Variants in ATRNL1 observed in about 807,000 individuals in gnomAD.
ATRNL1 encodes attractin like 1.
A neutral mutation model predicts 182.7 loss-of-function variants in ATRNL1; 95 were observed. The observed-to-expected ratio is 0.52, with a 90% CI of 0.44 to 0.62. ATRNL1 has a LOEUF of 0.62. ATRNL1 is among the 20% of genes least tolerant of loss of function. The probability of loss-of-function intolerance (pLI) is 0.00; values close to 1 mark genes in which losing one functional copy is unlikely to be tolerated. For synonymous variants in ATRNL1, 576 were observed against 568.3 expected, an observed-to-expected ratio of 1.01 and a Z score of -0.19; for missense variants, 1,471 against 1,679.5, an observed-to-expected ratio of 0.88 and a Z score of 2.17.
chr10:115,483,108 T>C (rs1252118133), intron 24 of ATRNL1, among the ~76,000 whole-genome samples: 1 of 151,356 alleles, frequency 6.6e-6, no homozygotes, highest in Non-Finnish European at 1.5e-5. Context: ...TAATTATTAA[T>C]TTACCAACCC....
intron 19 of ATRNL1, among the ~76,000 whole-genome samples, chr10:115,389,500 CAA>C (rs71010019): frequency 9.6e-5 from 7 of 72,948 alleles, no homozygotes; most frequent in Admixed American, 1.6e-4. Flanking sequence ...GACTCCGTCT[CAA>C]AAAAAAAAAA....
At chr10:115,681,999 G>T (rs1344530106) in intron 26 of ATRNL1, among the ~76,000 whole-genome samples, 1 of 152,100 alleles carries the variant, frequency 6.6e-6, no homozygotes, top group African/African-American at 2.4e-5. Flanking sequence ...GTGTTAACTT[G>T]GTGTGCAGCC....
At chr10:115,628,965 G>A (rs1288456363) in intron 26 of ATRNL1, among the ~76,000 whole-genome samples, 2 of 152,016 alleles carry the variant, frequency 1.3e-5, no homozygotes, top group Admixed American at 6.5e-5. Flanking sequence ...GGCTATAGAT[G>A]TATGAGTTTA....
At chr10:115,549,923 G>C (rs781931167) in intron 26 of ATRNL1, among the ~76,000 whole-genome samples, 2 of 151,594 alleles carry the variant, frequency 1.3e-5, no homozygotes, top group Non-Finnish European at 3.0e-5. Context: ...TTTGGTTTTT[G>C]AAAAATATTT....
At chr10:115,691,734 T>C (rs1946400356) in intron 26 of ATRNL1, among the ~76,000 whole-genome samples, 1 of 152,078 alleles carries the variant, frequency 6.6e-6, no homozygotes, top group African/African-American at 2.4e-5. Context: ...AATCAATCAA[T>C]CAATCAATCA....
intron 26 of ATRNL1, among the ~76,000 whole-genome samples, chr10:115,664,856 T>G (rs1175621797): frequency 4.6e-5 from 7 of 152,152 alleles, no homozygotes; most frequent in African/African-American, 1.7e-4. Flanking sequence ...GCGGTGAAAA[T>G]CTACAGGATC....
intron 18 of ATRNL1, among the ~76,000 whole-genome samples, chr10:115,333,666 T>A (rs1439313811): frequency 1.3e-5 from 2 of 151,960 alleles, no homozygotes; most frequent in Non-Finnish European, 2.9e-5. Context: ...TTTGTATTTT[T>A]AGTAGAGACA....
At chr10:115,188,048 AG>A (rs1189556639) in intron 8 of ATRNL1, among the ~76,000 whole-genome samples, 17 of 16,714 alleles carry the variant, frequency 1.0e-3, no homozygotes, top group African/African-American at 4.7e-4. Flanking sequence ...GGAGAGAGGG[AG>A]GGGGAGGGGG....
At chr10:115,826,368 T>A (rs1565413837) in intron 27 of ATRNL1, among the ~76,000 whole-genome samples, 1 of 151,992 alleles carries the variant, frequency 6.6e-6, no homozygotes, top group Non-Finnish European at 1.5e-5. Context: ...TGGCAGCCAG[T>A]GGCATCTTCT....
At chr10:115,424,196 CATT>C (rs1247331102) in intron 20 of ATRNL1, among the ~76,000 whole-genome samples, 3 of 152,126 alleles carry the variant, frequency 2.0e-5, no homozygotes, top group African/African-American at 7.2e-5. Flanking sequence ...CGTCACTCAT[CATT>C]AGGAAAATGC....
intron 20 of ATRNL1, among the ~76,000 whole-genome samples, chr10:115,425,462 C>A (rs1480482740): frequency 2.6e-5 from 4 of 151,838 alleles, no homozygotes; most frequent in Non-Finnish European, 4.4e-5. Context: ...TTATGCAAAA[C>A]CATGCTATAT....
chr10:115,465,265 A>AAT (rs1437253604), intron 22 of ATRNL1, among the ~76,000 whole-genome samples: 2 of 151,644 alleles, frequency 1.3e-5, no homozygotes, highest in Non-Finnish European at 3.0e-5. Flanking sequence ...TGATGACATA[A>AAT]ATCAACATTT....
intron 24 of ATRNL1, among the ~76,000 whole-genome samples, chr10:115,517,484 T>C (rs1047172970): frequency 3.3e-5 from 5 of 151,958 alleles, no homozygotes; most frequent in African/African-American, 1.2e-4. Context: ...TGTCTTTCAA[T>C]GTGGATTCAC....
intron 26 of ATRNL1, among the ~76,000 whole-genome samples, chr10:115,622,114 C>T (rs1857806334): frequency 6.6e-6 from 1 of 151,986 alleles, no homozygotes; most frequent in Non-Finnish European, 1.5e-5. Flanking sequence ...ATATGTCAAC[C>T]TAAATAAAAG....
At position 115,281,464 on chromosome 10, in the gene ATRNL1, A is replaced by G; in HGVS notation, c.2210A>G (p.Gln737Arg). The G allele has an allele frequency of 1.2e-6, 2 of 1,613,386 alleles. No individual in the cohort carries two copies. The highest frequency in any genetic ancestry group is 1.3e-5 in the African/African-American group (1 of 75,020). The part of the protein sequence containing the change: ...LNLNCQWDQR[Q>R]QECQALPAHL... ...TTGAATTGCCAGTGGGATCAGAGAC[A>G]GCAAGAATGCCAGGCTTTACCAGGT... Residue 737 changes from glutamine to arginine, a missense_variant, in exon 14 of 29, where the codon CAG becomes CGG. By Grantham distance (43) the Gln-to-Arg change is conservative. This residue lies in a region of ATRNL1 where 1,031 missense variants were observed against 1,156.0 expected (regional missense o/e 0.89). Coordinates refer to ENST00000355044, the MANE Select transcript of ATRNL1 (RefSeq NM_207303.4).
chr10:115,865,087 A>G (rs1334183910), intron 28 of ATRNL1, among the ~76,000 whole-genome samples: 4 of 152,202 alleles, frequency 2.6e-5, no homozygotes, highest in African/African-American at 9.6e-5. Flanking sequence ...AAAGACAAAG[A>G]AAGACTGAGG....
chr10:115,182,858 C>A (rs1847800464), intron 8 of ATRNL1, among the ~76,000 whole-genome samples: 1 of 151,234 alleles, frequency 6.6e-6, no homozygotes, highest in Non-Finnish European at 1.5e-5. Flanking sequence ...AGTGTCACTT[C>A]AGTACAAAAC....
At chr10:115,866,291 AT>A (rs566483274) in intron 28 of ATRNL1, among the ~76,000 whole-genome samples, 47 of 152,296 alleles carry the variant, frequency 3.1e-4, no homozygotes, top group Middle Eastern at 3.4e-3. Flanking sequence ...CCTAATGCAA[AT>A]GTCATTCCTA....
At chr10:115,864,898 C>T (rs1359474419) in intron 28 of ATRNL1, among the ~76,000 whole-genome samples, 4 of 151,450 alleles carry the variant, frequency 2.6e-5, no homozygotes, top group Non-Finnish European at 4.4e-5. Flanking sequence ...AGGAGAATGG[C>T]GTGAACCCAG....
Sources: gnomAD v4.1 joint callset for allele counts (sites outside exome capture counted in the v4.1 genomes callset) on GRCh38, gnomAD v4.1.1 for gene constraint, gnomAD v4.1.1 regional missense constraint, MANE v1.5 for transcripts, NCBI Gene and HGNC (gene_info 2026-07-23, HGNC 2026-07-21) for gene names.